Variants in MYO16 observed in about 807,000 individuals in gnomAD.
The protein encoded by MYO16 is myosin XVI.
In MYO16, 94 loss-of-function variants were observed where a neutral mutation model predicts 205.3. That is an observed-to-expected ratio of 0.46 (90% CI 0.39 to 0.54). The LOEUF (loss-of-function observed/expected upper bound fraction) is 0.54. Ranked by LOEUF, MYO16 falls within the 20% of genes least tolerant of loss-of-function variation. The pLI is 0.00. For missense variants in MYO16, 2,315 were observed against 2,387.5 expected, an observed-to-expected ratio of 0.97 and a Z score of 0.63; for synonymous variants, 988 against 954.0, an observed-to-expected ratio of 1.04 and a Z score of -0.66.
intron 5 of MYO16, among the ~76,000 whole-genome samples, chr13:108,792,248 A>G (rs1393469779): frequency 6.6e-6 from 1 of 152,176 alleles, no homozygotes; most frequent in African/African-American, 2.4e-5. Flanking sequence ...CGCACTCAAT[A>G]TTAGTTATCT....
At chr13:109,023,172 TTATG>T (rs1264512100) in intron 23 of MYO16, among the ~76,000 whole-genome samples, 2 of 128,086 alleles carry the variant, frequency 1.6e-5, no homozygotes, top group Non-Finnish European at 3.1e-5. Flanking sequence ...AAATACAAAT[TTATG>T]TATATATTTA....
the MYO16 span, among the ~76,000 whole-genome samples, chr13:108,537,808 T>G: frequency 3.3e-5 from 5 of 152,166 alleles, no homozygotes; most frequent in African/African-American, 7.2e-5. Flanking sequence ...ATGTCTTTTT[T>G]TGAGAAATGT....
intron 16 of MYO16, among the ~76,000 whole-genome samples, chr13:108,947,989 T>C (rs1193995472): frequency 6.6e-6 from 1 of 152,248 alleles, no homozygotes; most frequent in Non-Finnish European, 1.5e-5. Flanking sequence ...CATATATTAA[T>C]ACTTTCCAGG....
chr13:108,940,418 T>A (rs984324062), intron 16 of MYO16, among the ~76,000 whole-genome samples: 1 of 152,156 alleles, frequency 6.6e-6, no homozygotes, highest in Admixed American at 6.5e-5. Flanking sequence ...ACAATTGACT[T>A]GATCAGAAAC....
chr13:108,779,923 T>C (rs1473201373), intron 4 of MYO16: 1 of 152,182 alleles, frequency 6.6e-6, no homozygotes, highest in Non-Finnish European at 1.5e-5. Context: ...TGATCCTTAA[T>C]TGATGATGGG....
chr13:108,619,184 C>T (rs909719182), intron 1 of MYO16, among the ~76,000 whole-genome samples: 4 of 152,288 alleles, frequency 2.6e-5, no homozygotes, highest in East Asian at 3.9e-4. Flanking sequence ...CTAACACTTA[C>T]ATATTTGGCT....
the MYO16 span, among the ~76,000 whole-genome samples, chr13:108,550,289 T>C: frequency 2.6e-5 from 4 of 152,256 alleles, no homozygotes; most frequent in Admixed American, 2.6e-4. Context: ...TGCAATTGTC[T>C]GGTAGTCCTA....
intron 3 of MYO16, among the ~76,000 whole-genome samples, chr13:108,716,270 A>G (rs9514884): frequency 0.99 from 150,951 of 152,352 alleles, 74,790 homozygotes; most frequent in Middle Eastern, 1. Flanking sequence ...CTAGGTGACA[A>G]AGTATAAAGA....
intron 32 of MYO16, among the ~76,000 whole-genome samples, chr13:109,147,211 GAACT>G (rs890108176): frequency 6.6e-6 from 1 of 151,864 alleles, no homozygotes; most frequent in African/African-American, 2.4e-5. Flanking sequence ...ATATCAGGTA[GAACT>G]AACTATGAAA....
At chr13:109,040,753 A>T (rs531363559) in intron 23 of MYO16, among the ~76,000 whole-genome samples, 41 of 152,304 alleles carry the variant, frequency 2.7e-4, no homozygotes, top group African/African-American at 9.6e-4. Flanking sequence ...TCCTACAGCC[A>T]ATATTATATT....
Position 108,629,715 on chromosome 13 carries a change from A to T in MYO16, c.-130A>T. 1.3e-6 allele frequency: 1 copy of T among 772,900 alleles called. No homozygotes were observed. Among genetic ancestry groups the T allele is most frequent in the Non-Finnish European group, 2.1e-6 (1 of 482,594 alleles). 47.9% of individuals were successfully genotyped at this position (772,900 alleles called of 1,614,324 possible). On this transcript the variant is annotated 5_prime_UTR_variant, in exon 1 of 35. The change abolishes an upstream ATG in the 5' untranslated region. Coordinates refer to ENST00000457511, the MANE Select transcript of MYO16 (RefSeq NM_001198950.3). Reference sequence around the variant, plus strand: ...TGCAGGATCATGGAACAGAGCCTCCATGCAATAGTGCATCCTGAGGTAAAC... The same window carrying T: ...TGCAGGATCATGGAACAGAGCCTCCTTGCAATAGTGCATCCTGAGGTAAAC...
At chr13:108,937,671 A>G (rs1882552414) in intron 16 of MYO16, among the ~76,000 whole-genome samples, 1 of 152,162 alleles carries the variant, frequency 6.6e-6, no homozygotes. Context: ...TTTCAGTTGT[A>G]TTTTGACTTT....
chr13:109,030,410 T>C (rs1458880178), intron 23 of MYO16, among the ~76,000 whole-genome samples: 4 of 152,194 alleles, frequency 2.6e-5, no homozygotes, highest in Non-Finnish European at 5.9e-5. Flanking sequence ...ATATATTCTG[T>C]GATATATTGA....
intron 5 of MYO16, among the ~76,000 whole-genome samples, chr13:108,793,238 A>G (rs1226972653): frequency 2.7e-5 from 4 of 150,928 alleles, no homozygotes; most frequent in African/African-American, 9.8e-5. Context: ...GTGAGCAGCG[A>G]TCGCACCACT....
chr13:108,516,992 G>A, the MYO16 span, among the ~76,000 whole-genome samples: 7 of 151,960 alleles, frequency 4.6e-5, no homozygotes, highest in African/African-American at 1.7e-4. Flanking sequence ...GTGCAGCGGT[G>A]TAATTGTAGC....
intron 10 of MYO16, among the ~76,000 whole-genome samples, chr13:108,850,361 T>G (rs757696127): frequency 1.3e-5 from 2 of 152,246 alleles, no homozygotes; most frequent in Non-Finnish European, 2.9e-5. Context: ...ATCAGCAAAT[T>G]CAGAATACTT....
chr13:109,179,501 G>T (rs2038707), intron 33 of MYO16, 41 bp from the exon 34 acceptor site: 4 of 1,292,706 alleles, frequency 3.1e-6, no homozygotes, highest in South Asian at 1.2e-5. Flanking sequence ...TTTGGAACAA[G>T]GAGACACTGC....
chr13:108,948,351 T>C (rs1380345102), intron 16 of MYO16, among the ~76,000 whole-genome samples: 1 of 152,234 alleles, frequency 6.6e-6, no homozygotes, highest in Non-Finnish European at 1.5e-5. Context: ...AGCAACACAT[T>C]GTGTTTGTAC....
At chr13:108,704,124 T>C (rs974944257) in intron 2 of MYO16, among the ~76,000 whole-genome samples, 1 of 152,162 alleles carries the variant, frequency 6.6e-6, no homozygotes, top group Non-Finnish European at 1.5e-5. Context: ...TCCAGAACTA[T>C]GAGAAAATAA....
Sources: allele counts gnomAD v4.1 joint callset (sites outside exome capture counted in the v4.1 genomes callset), GRCh38; gene constraint gnomAD v4.1.1; transcripts MANE v1.5; gene names NCBI Gene and HGNC (gene_info 2026-07-23, HGNC 2026-07-21).